SMCO4: variants seen among roughly 807,000 people sequenced by gnomAD.
The protein encoded by SMCO4 is single-pass membrane protein with coiled-coil domains 4.
Under a neutral mutation model 3.6 loss-of-function variants are expected in SMCO4, and 4 were observed. That is an observed-to-expected ratio of 1.11 (90% CI 0.54 to 2.53). SMCO4 has a LOEUF of 2.53. SMCO4 is among the 30% of genes most tolerant of loss of function. The pLI is 0.02. For missense variants in SMCO4, 70 were observed against 80.8 expected (o/e 0.87, Z 0.51); for synonymous variants, 36 against 35.3 (o/e 1.02, Z -0.07).
chr11:93,505,856 AATGATGATGATGATGATG>A (rs61060663), intron 1 of SMCO4, among the ~76,000 whole-genome samples: 5 of 149,644 alleles, frequency 3.3e-5, no homozygotes, highest in Non-Finnish European at 7.4e-5. Context: ...AAGCCCTTGC[AATGATGATGATGATGATG>A]ATGATGATGA....
chr11:93,501,411 C>G (rs1565378867), intron 1 of SMCO4, among the ~76,000 whole-genome samples: 1 of 152,198 alleles, frequency 6.6e-6, no homozygotes, highest in Non-Finnish European at 1.5e-5. Flanking sequence ...ACAGGCAATG[C>G]CATGCTCCCT....
chr11:93,500,106 C>G (rs547600534), intron 1 of SMCO4, among the ~76,000 whole-genome samples: 10 of 152,248 alleles, frequency 6.6e-5, no homozygotes, highest in Non-Finnish European at 7.3e-5. Context: ...CAATGCCTAT[C>G]ATTACTAAAA....
chr11:93,541,232 T>C (rs1485793083), intron 1 of SMCO4, among the ~76,000 whole-genome samples: 3 of 152,154 alleles, frequency 2.0e-5, no homozygotes, highest in Non-Finnish European at 2.9e-5. Context: ...GAAGCTCTAG[T>C]GAGAAGTTGC....
In SMCO4 at chr11:93,478,713, GCACACA is replaced by G. The variant is rs58177836; in HGVS notation, c.*291_*296del. 61,024 of 225,406 alleles carry G rather than the reference GCACACA, an allele frequency of 0.27. 6,977 individuals are homozygous for G. Among genetic ancestry groups the G allele is most frequent in the East Asian group, 0.39 (3,404 of 8,624 alleles). The allele number at this position is 225,406 out of a possible 1,614,324, so 14.0% of individuals were successfully genotyped here. ...ATCGATTTTTAGGAGAGAAAAAGAAGCACACACACACACACACACACACACACACAC... is the reference window on the plus strand; with the variant it reads ...ATCGATTTTTAGGAGAGAAAAAGAAGCACACACACACACACACACACACAC... On this transcript the variant is annotated 3_prime_UTR_variant, in exon 3 of 3. Coordinates refer to ENST00000298966, the MANE Select transcript of SMCO4 (RefSeq NM_020179.3).
At chr11:93,507,670 T>C (rs11020387) in intron 1 of SMCO4, among the ~76,000 whole-genome samples, 21,920 of 152,270 alleles carry the variant, frequency 0.14, 1,706 homozygotes, top group South Asian at 0.19. Context: ...AGTTCATTGA[T>C]TGGTTTCAGA....
chr11:93,524,472 G>A (rs2134624512), intron 1 of SMCO4, among the ~76,000 whole-genome samples: 1 of 152,276 alleles, frequency 6.6e-6, no homozygotes, highest in Admixed American at 6.5e-5. Context: ...ACCTAAGAGT[G>A]ACTTCCCTTA....
intron 2 of SMCO4, among the ~76,000 whole-genome samples, chr11:93,488,567 G>T (rs1948677242): frequency 6.6e-6 from 1 of 152,160 alleles, no homozygotes; most frequent in African/African-American, 2.4e-5. Context: ...AAAGAAAACA[G>T]ACTGAAGGTC....
chr11:93,540,228 T>C (rs995059801), intron 1 of SMCO4, among the ~76,000 whole-genome samples: 12 of 152,186 alleles, frequency 7.9e-5, no homozygotes, highest in Admixed American at 4.6e-4. Context: ...CTCAATCCCA[T>C]TGACCCAAGT....
intron 1 of SMCO4, among the ~76,000 whole-genome samples, chr11:93,541,475 A>T (rs1264640449): frequency 1.3e-5 from 2 of 152,186 alleles, no homozygotes; most frequent in African/African-American, 4.8e-5. Flanking sequence ...AGTCAGACAG[A>T]AGGAAACCTA....
At chr11:93,507,959 G>A (rs937270730) in intron 1 of SMCO4, among the ~76,000 whole-genome samples, 1 of 152,086 alleles carries the variant, frequency 6.6e-6, no homozygotes, top group Non-Finnish European at 1.5e-5. Context: ...AAATGTTTGT[G>A]CTTTGGAAAT....
At chr11:93,509,378 C>G (rs1269313619) in intron 1 of SMCO4, among the ~76,000 whole-genome samples, 1 of 151,624 alleles carries the variant, frequency 6.6e-6, no homozygotes, top group Non-Finnish European at 1.5e-5. Flanking sequence ...GGAATGCAAA[C>G]TGGTACAACC....
At chr11:93,512,740 A>T (rs937732998) in intron 1 of SMCO4, among the ~76,000 whole-genome samples, 1 of 152,206 alleles carries the variant, frequency 6.6e-6, no homozygotes, top group Non-Finnish European at 1.5e-5. Context: ...TTCACACAAC[A>T]AAACTGCCTA....
intron 1 of SMCO4, among the ~76,000 whole-genome samples, chr11:93,506,420 C>T (rs1386942038): frequency 1.3e-5 from 2 of 150,498 alleles, no homozygotes; most frequent in African/African-American, 4.9e-5. Flanking sequence ...TCATTATATT[C>T]TCTACTGCCA....
intron 2 of SMCO4, among the ~76,000 whole-genome samples, chr11:93,496,381 G>C (rs949791515): frequency 6.6e-6 from 1 of 152,160 alleles, no homozygotes; most frequent in Admixed American, 6.5e-5. Flanking sequence ...GCCTGACAAA[G>C]TGAGTTAACA....
At chr11:93,539,150 G>A (rs1391590973) in intron 1 of SMCO4, among the ~76,000 whole-genome samples, 1 of 152,126 alleles carries the variant, frequency 6.6e-6, no homozygotes, top group Non-Finnish European at 1.5e-5. Flanking sequence ...GAGCTACTGT[G>A]AGGACCGAAT....
At chr11:93,490,341 A>C (rs1241579072) in intron 2 of SMCO4, among the ~76,000 whole-genome samples, 1 of 152,244 alleles carries the variant, frequency 6.6e-6, no homozygotes, top group Admixed American at 6.5e-5. Context: ...AAAGATGATA[A>C]CTAAATAAAC....
chr11:93,504,208 A>C (rs1182402276), intron 1 of SMCO4, among the ~76,000 whole-genome samples: 1 of 152,208 alleles, frequency 6.6e-6, no homozygotes, highest in Non-Finnish European at 1.5e-5. Flanking sequence ...AGAGGTCCAA[A>C]AACTCAATGG....
At chr11:93,525,635 C>T (rs935230319) in intron 1 of SMCO4, among the ~76,000 whole-genome samples, 7 of 152,144 alleles carry the variant, frequency 4.6e-5, no homozygotes, top group South Asian at 2.1e-4. Context: ...ATACACCCTA[C>T]GACCAACCAG....
At chr11:93,532,536 C>G (rs1444952771) in intron 1 of SMCO4, among the ~76,000 whole-genome samples, 1 of 152,216 alleles carries the variant, frequency 6.6e-6, no homozygotes, top group African/African-American at 2.4e-5. Flanking sequence ...TGTCACAGGC[C>G]TTCTCAGCCT....
Sources: gnomAD v4.1 joint callset for allele counts (sites outside exome capture counted in the v4.1 genomes callset) on GRCh38, gnomAD v4.1.1 for gene constraint, MANE v1.5 for transcripts, NCBI Gene and HGNC (gene_info 2026-07-23, HGNC 2026-07-21) for gene names.